REDIC1: variants seen among roughly 807,000 people sequenced by gnomAD.
The protein encoded by REDIC1 is regulator of DNA class I crossover intermediates 1, also known as HEI10 Interacting Protein 1.
At chr12:39,811,939 CAT>C in the REDIC1 span, among the ~76,000 whole-genome samples, 1 of 152,164 alleles carries the variant, frequency 6.6e-6, no homozygotes, top group East Asian at 1.9e-4. Flanking sequence ...TTTATTTTAA[CAT>C]AGTTTACCAA....
the REDIC1 span, chr12:39,716,915 C>T: frequency 1.0e-6 from 1 of 966,566 alleles, no homozygotes; most frequent in Non-Finnish European, 1.4e-6. Context: ...TACCTTTACC[C>T]TATAAAACTG....
the REDIC1 span, among the ~76,000 whole-genome samples, chr12:39,793,229 C>A: frequency 6.6e-6 from 1 of 152,130 alleles, no homozygotes; most frequent in South Asian, 2.1e-4. Flanking sequence ...AAAGAAAATT[C>A]TATTTATAAT....
chr12:39,719,329 A>T, the REDIC1 span, among the ~76,000 whole-genome samples: 2 of 152,036 alleles, frequency 1.3e-5, no homozygotes, highest in Admixed American at 6.6e-5. Context: ...ATGAACAAAG[A>T]TAAGAAATAG....
chr12:39,657,655 T>G, the REDIC1 span, among the ~76,000 whole-genome samples: 1 of 152,180 alleles, frequency 6.6e-6, no homozygotes, highest in Non-Finnish European at 1.5e-5. Context: ...CTTGTAGAAT[T>G]TATTGACATA....
chr12:39,892,596 C>T, the REDIC1 span, among the ~76,000 whole-genome samples: 1 of 152,124 alleles, frequency 6.6e-6, no homozygotes, highest in African/African-American at 2.4e-5. Context: ...GTGCATTAAA[C>T]AATAAACTTA....
At chr12:39,726,323 C>A in the REDIC1 span, among the ~76,000 whole-genome samples, 1 of 152,020 alleles carries the variant, frequency 6.6e-6, no homozygotes, top group Non-Finnish European at 1.5e-5. Context: ...GCCCCCCACA[C>A]CCCAACAGGC....
At chr12:39,694,211 T>C in the REDIC1 span, among the ~76,000 whole-genome samples, 1 of 152,152 alleles carries the variant, frequency 6.6e-6, no homozygotes, top group Non-Finnish European at 1.5e-5. Flanking sequence ...GATGGCTGAA[T>C]AGAAGACACC....
chr12:39,752,617 C>A, the REDIC1 span, among the ~76,000 whole-genome samples: 1 of 152,068 alleles, frequency 6.6e-6, no homozygotes, highest in Admixed American at 6.6e-5. Context: ...GATTGCATTA[C>A]ACAGAGTCAA....
chr12:39,695,554 T>C, the REDIC1 span, among the ~76,000 whole-genome samples: 1 of 152,096 alleles, frequency 6.6e-6, no homozygotes, highest in African/African-American at 2.4e-5. Context: ...TGTCTTGTGG[T>C]TTGAATGTAA....
the REDIC1 span, among the ~76,000 whole-genome samples, chr12:39,714,961 T>A: frequency 6.6e-6 from 1 of 152,074 alleles, no homozygotes; most frequent in African/African-American, 2.4e-5. Context: ...ATTCTGGATA[T>A]AAGTCCTTTG....
the REDIC1 span, chr12:39,646,792 G>A: frequency 3.7e-4 from 474 of 1,276,666 alleles, no homozygotes; most frequent in Non-Finnish European, 4.5e-4. Context: ...AAGGACAGTC[G>A]ATTTTATTTC....
At chr12:39,705,230 C>G in the REDIC1 span, among the ~76,000 whole-genome samples, 1 of 151,868 alleles carries the variant, frequency 6.6e-6, no homozygotes, top group Non-Finnish European at 1.5e-5. Flanking sequence ...GGACAAATTC[C>G]TAGACACACA....
the REDIC1 span, among the ~76,000 whole-genome samples, chr12:39,795,472 A>G: frequency 2.6e-5 from 4 of 152,294 alleles, no homozygotes; most frequent in South Asian, 8.3e-4. Context: ...TAATAAATCC[A>G]ATACCTCTAA....
At chr12:39,867,504 TAC>T in the REDIC1 span, among the ~76,000 whole-genome samples, 1 of 152,100 alleles carries the variant, frequency 6.6e-6, no homozygotes, top group African/African-American at 2.4e-5. Context: ...TCCATCCAAT[TAC>T]AGTCATGAGG....
the REDIC1 span, among the ~76,000 whole-genome samples, chr12:39,710,096 G>A: frequency 0.03 from 4,618 of 151,630 alleles, 244 homozygotes; most frequent in African/African-American, 0.11. Context: ...TTGTGATTTG[G>A]ACCATCTTAG....
At chr12:39,681,334 G>T in the REDIC1 span, among the ~76,000 whole-genome samples, 1 of 152,100 alleles carries the variant, frequency 6.6e-6, no homozygotes. Flanking sequence ...GGTGGAGGAG[G>T]GATGAGGGAT....
the REDIC1 span, among the ~76,000 whole-genome samples, chr12:39,704,175 C>G: frequency 6.6e-6 from 1 of 151,766 alleles, no homozygotes; most frequent in Admixed American, 6.6e-5. Context: ...TCCTACTCAT[C>G]TGACAAAGGG....
At chr12:39,896,341 CATATATGTATGTATATGTGT>C in the REDIC1 span, among the ~76,000 whole-genome samples, 59 of 93,402 alleles carry the variant, frequency 6.3e-4, no homozygotes, top group African/African-American at 2.4e-3. Context: ...TATATGTATA[CATATATGTATGTATATGTGT>C]ATATATGTAT....
At chr12:39,686,190 C>T in the REDIC1 span, among the ~76,000 whole-genome samples, 2 of 152,204 alleles carry the variant, frequency 1.3e-5, no homozygotes, top group African/African-American at 2.4e-5. Context: ...GGCAGTGCCC[C>T]ATTGGAGACT....
Sources: gnomAD v4.1 joint callset for allele counts (sites outside exome capture counted in the v4.1 genomes callset) on GRCh38, gnomAD v4.1.1 for gene constraint, MANE v1.5 for transcripts, NCBI Gene and HGNC (gene_info 2026-07-23, HGNC 2026-07-21) for gene names.